Variants in CYP27C1 observed in about 807,000 individuals in gnomAD.
CYP27C1 encodes the protein cytochrome P450 27C1.
CYP27C1 carries 29 observed loss-of-function variants against 40.6 expected under a neutral mutation model. The observed-to-expected ratio is 0.71, with a 90% CI of 0.53 to 0.97. The LOEUF is 0.97. Among genes scored for constraint, CYP27C1 ranks in the 50% least tolerant of loss-of-function variants. The pLI is 0.00. For missense variants in CYP27C1, 390 were observed against 485.8 expected (o/e 0.80, Z 1.85); for synonymous variants, 198 against 186.8 (o/e 1.06, Z -0.49).
chr2:127,204,583 A>G (rs1297513912), intron 2 of CYP27C1, among the ~76,000 whole-genome samples: 30 of 89,696 alleles, frequency 3.3e-4, no homozygotes, highest in Admixed American at 8.2e-4. Context: ...GAAAGAAAGA[A>G]AGAAAGAAAG....
intron 1 of CYP27C1, among the ~76,000 whole-genome samples, chr2:127,210,454 T>C (rs1207163045): frequency 2.0e-5 from 3 of 152,112 alleles, no homozygotes; most frequent in Admixed American, 6.6e-5. Context: ...CTGCATCAAC[T>C]AGTGTGCAAA....
chr2:127,204,822 C>A (rs796731720), intron 2 of CYP27C1, among the ~76,000 whole-genome samples: 3 of 152,124 alleles, frequency 2.0e-5, no homozygotes, highest in African/African-American at 7.2e-5. Flanking sequence ...CTCAGAGGGT[C>A]GTGGCAGGAC....
rs746591558 is a variant in CYP27C1, at chr2:127,214,290, AC to A, written c.282+5698del. ...TCCTCAAGGATCTAGAACCAGAAAT[AC>A]CATTTGACCCAGCAATCCCATTCCT... On this transcript the variant is annotated intron_variant, in intron 1 of 8. Coordinates refer to ENST00000664447, the MANE Select transcript of CYP27C1 (RefSeq NM_001367502.1). Among the ~76,000 whole-genome samples the A allele has an allele frequency of 7.9e-5, 12 of 152,198 alleles. No individual in the cohort carries two copies. In the South Asian group the frequency reaches 2.1e-3, roughly 26 times the overall value.
chr2:127,209,263 A>G lies in CYP27C1; in HGVS notation c.283-3173T>C, dbSNP rs1478562082. Among the ~76,000 whole-genome samples, 1 of 152,142 alleles carries G rather than the reference A, an allele frequency of 6.6e-6. No individual in the cohort carries two copies. Among genetic ancestry groups the G allele is most frequent in the Admixed American group, 6.5e-5 (1 of 15,276 alleles). On this transcript the variant is annotated intron_variant, in intron 1 of 8. Transcript: ENST00000664447. This position sits in a 1 kb window ranked among gnomAD's most constrained non-coding sequence, Gnocchi z 4.1. ...CAGCAAACTGCAGCAGCCCTACAGA[A>G]GAGGGATTGACTATTGAAAGAAAAA...
At chr2:127,187,479 C>A in intron 8 of CYP27C1, 92 bp from the exon 9 acceptor site, 1 of 1,161,196 alleles carries the variant, frequency 8.6e-7, no homozygotes, top group Non-Finnish European at 1.3e-6. Flanking sequence ...TGTGGCGGCA[C>A]TGGGCTGCAG....
At position 127,184,004 on chromosome 2, in the gene CYP27C1, C is replaced by T. The variant is rs1054710446; in HGVS notation, c.*3267G>A. On this transcript the variant is annotated 3_prime_UTR_variant, in exon 9 of 9. Transcript: ENST00000664447. ...CCCCACCTTCCCACACACACAATACCCACCTCCTGCAGCAAGCTGGGTTAT... is the reference window on the plus strand; with the variant it reads ...CCCCACCTTCCCACACACACAATACTCACCTCCTGCAGCAAGCTGGGTTAT... 4 of 152,360 alleles carry T rather than the reference C, an allele frequency of 2.6e-5. No homozygotes were observed. The highest frequency in any genetic ancestry group is 5.9e-5 in the Non-Finnish European group (4 of 68,030). The allele number at this position is 152,360 out of a possible 1,614,324, so 9.4% of individuals were successfully genotyped here. A position where few individuals can be genotyped will look rare whatever the true frequency, so the allele number is the denominator to read the frequency against.
intron 1 of CYP27C1, among the ~76,000 whole-genome samples, chr2:127,211,472 T>C (rs1407865049): frequency 7.1e-6 from 1 of 140,592 alleles, no homozygotes; most frequent in Non-Finnish European, 1.5e-5. Flanking sequence ...AAGCTCCGCC[T>C]CCCGGGTTCA....
chr2:127,191,044 G>C (rs777350375), intron 8 of CYP27C1, among the ~76,000 whole-genome samples: 2 of 151,344 alleles, frequency 1.3e-5, no homozygotes, highest in Non-Finnish European at 2.9e-5. Flanking sequence ...TCAATAGTTC[G>C]GGACCAGCCT....
chr2:127,213,419 TA>T (rs1192911904), intron 1 of CYP27C1, among the ~76,000 whole-genome samples: 1 of 152,128 alleles, frequency 6.6e-6, no homozygotes, highest in African/African-American at 2.4e-5. Context: ...CAAACTATAC[TA>T]CAAGGCTACG....
intron 8 of CYP27C1, among the ~76,000 whole-genome samples, chr2:127,191,788 C>G (rs565029284): frequency 6.6e-6 from 1 of 152,226 alleles, no homozygotes; most frequent in African/African-American, 2.4e-5. Context: ...TCCCCCTACA[C>G]ATCGAGCTGC....
chr2:127,210,438 A>G (rs1196721333), intron 1 of CYP27C1, among the ~76,000 whole-genome samples: 1 of 152,238 alleles, frequency 6.6e-6, no homozygotes, highest in Admixed American at 6.5e-5. Context: ...TGACACTACG[A>G]AGAAACTGCA....
At chr2:127,194,780 C>T (rs1399387619) in intron 6 of CYP27C1, among the ~76,000 whole-genome samples, 5 of 152,168 alleles carry the variant, frequency 3.3e-5, no homozygotes, top group Non-Finnish European at 5.9e-5. Context: ...TTGGGAAACC[C>T]CCAGTAAGCC....
At chr2:127,211,395 T>G (rs1221747293) in intron 1 of CYP27C1, among the ~76,000 whole-genome samples, 1 of 133,366 alleles carries the variant, frequency 7.5e-6, no homozygotes, top group Non-Finnish European at 1.6e-5. Flanking sequence ...TTTTTTTTTT[T>G]TTTTTGAGAT....
rs1286219180 is a variant in CYP27C1, at chr2:127,208,415, GC to G, written c.283-2326del. ...CCACTCTCGAACCCATGCCACCAGA[GC>G]CAAGCATCCCAACCCTGGTATGCAC... On this transcript the variant is annotated intron_variant, in intron 1 of 8. Coordinates refer to ENST00000664447, the MANE Select transcript of CYP27C1 (RefSeq NM_001367502.1). This position sits in a 1 kb window ranked among gnomAD's most constrained non-coding sequence, Gnocchi z 5.2. Among the ~76,000 whole-genome samples the G allele has an allele frequency of 2.0e-5, 3 of 152,164 alleles. No homozygotes were observed. The highest frequency in any genetic ancestry group is 1.3e-4 in the Admixed American group (2 of 15,278).
rs1169099297 is a variant in CYP27C1 at position 127,204,555 on chromosome 2, GAGAAAGAAAGAAAGAA to G, written c.474-1000_474-985del. On this transcript the variant is annotated intron_variant, in intron 2 of 8. Coordinates refer to ENST00000664447, the MANE Select transcript of CYP27C1 (RefSeq NM_001367502.1). ...AAAGAAAGAGAGAGAGAGAGAGAGAGAGAAAGAAAGAAAGAAAGAAAGAAAGAAAGAAAGAAAGAAA... is the reference window on the plus strand; with the variant it reads ...AAAGAAAGAGAGAGAGAGAGAGAGAGAGAAAGAAAGAAAGAAAGAAAGAAA... Among the ~76,000 whole-genome samples the G allele has an allele frequency of 4.1e-3, 159 of 39,172 alleles. 3 individuals are homozygous for G. The highest frequency in any genetic ancestry group is 0.01 in the African/African-American group (106 of 10,528). The allele number at this position is 39,172 out of a possible 152,430, so 25.7% of individuals were successfully genotyped here.
At position 127,199,373 on chromosome 2, in the gene CYP27C1, C is replaced by G; in HGVS notation, c.1047+3G>C. 6.2e-7 allele frequency: 1 copy of G among 1,613,958 alleles called. No homozygotes were observed. The highest frequency in any genetic ancestry group is 8.5e-7 in the Non-Finnish European group (1 of 1,179,896). ...TTGCTGAGAACAGGACCCCCAGACTCACCGTGTCGACGCCGGCCAGCAGCA... is the reference window on the plus strand; with the variant it reads ...TTGCTGAGAACAGGACCCCCAGACTGACCGTGTCGACGCCGGCCAGCAGCA... On this transcript the variant is annotated splice_donor_region_variant and intron_variant, in intron 5 of 8. Transcript: ENST00000664447.
chr2:127,195,607 G>T lies in CYP27C1; in HGVS notation c.1048-106C>A. On this transcript the variant is annotated intron_variant, in intron 5 of 8. Transcript: ENST00000664447. This position sits in a 1 kb window ranked among gnomAD's most constrained non-coding sequence, Gnocchi z 6.2. ...CCCCTGGGAATACACACAGCACAAA[G>T]TCAAACTCATCCAATTCCATATAGC... The T allele has an allele frequency of 8.5e-7, 1 of 1,175,350 alleles. No individual in the cohort carries two copies. The highest frequency in any genetic ancestry group is 1.6e-5 in the South Asian group (1 of 64,348). The allele number at this position is 1,175,350 out of a possible 1,614,324, so 72.8% of individuals were successfully genotyped here.
chr2:127,205,461 C>T (rs1683204340), intron 2 of CYP27C1, among the ~76,000 whole-genome samples: 1 of 152,186 alleles, frequency 6.6e-6, no homozygotes, highest in Admixed American at 6.5e-5. Flanking sequence ...TAATCACAGT[C>T]TGCTATGAGA....
Position 127,203,408 on chromosome 2 carries a change from T to C in CYP27C1, c.637A>G (p.Asn213Asp). The C allele has an allele frequency of 1.2e-6, 2 of 1,613,528 alleles. No individual in the cohort carries two copies. The highest frequency in any genetic ancestry group is 4.5e-5 in the East Asian group (2 of 44,862). ...TATTTGAAGAAAAGATCATTGACAT[T>C]GGTCACGGTTTCTCCATCTTCTGCC... ...SQAEDGETVT[N>D]VNDLFFKYSM... The change falls in exon 3 of 9, where the codon AAT becomes GAT. Residue 213 changes from asparagine to aspartate, a missense_variant. Asn to Asp is a conservative substitution (Grantham distance 23). Coordinates refer to ENST00000664447, the MANE Select transcript of CYP27C1 (RefSeq NM_001367502.1).
Sources: gnomAD v4.1 joint callset for allele counts (sites outside exome capture counted in the v4.1 genomes callset) on GRCh38, gnomAD v4.1.1 for gene constraint, Gnocchi (gnomAD v3.1) non-coding constraint, MANE v1.5 for transcripts, NCBI Gene and HGNC (gene_info 2026-07-23, HGNC 2026-07-21) for gene names.